The following RAB38 variants were observed in gnomAD, a reference collection of about 807,000 sequenced individuals.
RAB38 encodes the protein RAB38, member RAS oncogene family, also known as ras-related protein Rab-38.
Under a neutral mutation model 18.4 loss-of-function variants are expected in RAB38, and 15 were observed. The observed-to-expected ratio is 0.82, with a 90% CI of 0.55 to 1.26. RAB38 has a LOEUF of 1.26. Among genes scored for constraint, RAB38 ranks in the 50% most tolerant of loss-of-function variants. The pLI is 0.00. For synonymous variants in RAB38, 101 were observed against 104.4 expected, an observed-to-expected ratio of 0.97 and a Z score of 0.20; for missense variants, 294 against 267.4, an observed-to-expected ratio of 1.10 and a Z score of -0.69.
intron 2 of RAB38, among the ~76,000 whole-genome samples, chr11:88,142,602 G>A (rs573658772): frequency 6.6e-6 from 1 of 152,296 alleles, no homozygotes; most frequent in East Asian, 1.9e-4. Context: ...TTTGTTGGGG[G>A]CAGAGTATCA....
At chr11:87,944,861 T>C in the RAB38 span, among the ~76,000 whole-genome samples, 28,549 of 152,046 alleles carry the variant, frequency 0.19, 2,957 homozygotes, top group South Asian at 0.37. Flanking sequence ...TTTGTTTGTT[T>C]TTGAAGGAAG....
At chr11:88,139,772 T>C (rs917972518) in intron 2 of RAB38, among the ~76,000 whole-genome samples, 1 of 152,200 alleles carries the variant, frequency 6.6e-6, no homozygotes, top group South Asian at 2.1e-4. Context: ...GCTCTTTACA[T>C]GTCCCTGATG....
At chr11:88,006,394 A>G in the RAB38 span, among the ~76,000 whole-genome samples, 3 of 151,400 alleles carry the variant, frequency 2.0e-5, no homozygotes, top group African/African-American at 7.3e-5. Context: ...AAATGGAACC[A>G]CCATATGATC....
the RAB38 span, among the ~76,000 whole-genome samples, chr11:87,964,217 C>A: frequency 6.6e-6 from 1 of 152,086 alleles, no homozygotes; most frequent in Non-Finnish European, 1.5e-5. Context: ...CCAGCCTTGA[C>A]CGATCTCAGC....
chr11:88,079,955 G>C, the RAB38 span, among the ~76,000 whole-genome samples: 2 of 151,272 alleles, frequency 1.3e-5, no homozygotes, highest in African/African-American at 4.9e-5. Flanking sequence ...TGGAAACAAA[G>C]CAAATACTTT....
chr11:87,860,468 T>C, the RAB38 span, among the ~76,000 whole-genome samples: 6 of 152,014 alleles, frequency 3.9e-5, no homozygotes, highest in Non-Finnish European at 8.8e-5. Context: ...TAATGACTTT[T>C]AGAGAAGAGA....
At chr11:87,977,399 AATTAT>A in the RAB38 span, among the ~76,000 whole-genome samples, 10,756 of 52,886 alleles carry the variant, frequency 0.2, 1,455 homozygotes, top group Middle Eastern at 0.38. Flanking sequence ...TTATATATAT[AATTAT>A]ATTATAAAAT....
At chr11:88,017,830 C>T in the RAB38 span, among the ~76,000 whole-genome samples, 1 of 151,650 alleles carries the variant, frequency 6.6e-6, no homozygotes, top group South Asian at 2.1e-4. Context: ...CCATCCAAAT[C>T]TCATCTTGAA....
the RAB38 span, among the ~76,000 whole-genome samples, chr11:87,919,376 T>A: frequency 3.9e-5 from 6 of 152,102 alleles, no homozygotes; most frequent in South Asian, 6.2e-4. Flanking sequence ...AGTTTTTTTT[T>A]ATTTTATTAA....
the RAB38 span, among the ~76,000 whole-genome samples, chr11:87,905,295 A>C: frequency 6.6e-6 from 1 of 151,594 alleles, no homozygotes; most frequent in Non-Finnish European, 1.5e-5. Context: ...GTCCTTGACC[A>C]TATTTATAAT....
At chr11:88,152,165 T>G (rs1189818017) in intron 1 of RAB38, among the ~76,000 whole-genome samples, 1 of 152,210 alleles carries the variant, frequency 6.6e-6, no homozygotes, top group Non-Finnish European at 1.5e-5. Context: ...AAGCCTTCTG[T>G]GATAACTCAG....
At chr11:87,907,208 A>C in the RAB38 span, among the ~76,000 whole-genome samples, 1 of 151,946 alleles carries the variant, frequency 6.6e-6, no homozygotes, top group Non-Finnish European at 1.5e-5. Flanking sequence ...ACAGTTTCTA[A>C]TACTGTATAT....
At chr11:88,100,000 G>A in the RAB38 span, 1 of 151,732 alleles carries the variant, frequency 6.6e-6, no homozygotes, top group Non-Finnish European at 1.5e-5. Flanking sequence ...GTTTAGGCTG[G>A]TCTGAAGGTA....
At chr11:87,878,079 A>G in the RAB38 span, among the ~76,000 whole-genome samples, 1 of 150,348 alleles carries the variant, frequency 6.7e-6, no homozygotes, top group Admixed American at 6.7e-5. Flanking sequence ...ACAGTCTTAC[A>G]ACTGAAAATG....
the RAB38 span, among the ~76,000 whole-genome samples, chr11:88,088,344 A>G: frequency 4.7e-4 from 71 of 152,034 alleles, 1 homozygote; most frequent in Admixed American, 7.9e-4. Context: ...TTATCCCTGT[A>G]GGGACTCATA....
chr11:87,854,124 C>A, the RAB38 span, among the ~76,000 whole-genome samples: 12 of 31,400 alleles, frequency 3.8e-4, no homozygotes, highest in East Asian at 3.4e-3. Flanking sequence ...ATCACACCTG[C>A]AAAGGTTTTT....
At chr11:87,954,062 C>CTAGATGAGGGTGGCCATGTTCATGT in the RAB38 span, among the ~76,000 whole-genome samples, 124 of 152,168 alleles carry the variant, frequency 8.1e-4, 2 homozygotes, top group East Asian at 0.02. Flanking sequence ...GCTGTTGATC[C>CTAGATGAGGGTGGCCATGTTCATGT]TAGATGAGGG....
At chr11:87,869,084 C>T in the RAB38 span, among the ~76,000 whole-genome samples, 1 of 151,656 alleles carries the variant, frequency 6.6e-6, no homozygotes, top group Admixed American at 6.6e-5. Flanking sequence ...ATTCTGGTAT[C>T]AGAATCTAGG....
the RAB38 span, among the ~76,000 whole-genome samples, chr11:87,948,509 T>G: frequency 1.3e-5 from 2 of 151,924 alleles, no homozygotes; most frequent in East Asian, 1.9e-4. Context: ...TTTTGCCCAT[T>G]CAGTATGATA....
Sources: allele counts gnomAD v4.1 joint callset (sites outside exome capture counted in the v4.1 genomes callset), GRCh38; gene constraint gnomAD v4.1.1; transcripts MANE v1.5; gene names NCBI Gene and HGNC (gene_info 2026-07-23, HGNC 2026-07-21).